Variants in SPTBN1 observed in about 807,000 individuals in gnomAD.
The protein encoded by SPTBN1 is spectrin beta, non-erythrocytic 1.
Under a neutral mutation model 266.4 loss-of-function variants are expected in SPTBN1, and 32 were observed. The ratio of observed to expected loss-of-function variants is 0.12; its 90% CI spans 0.09 to 0.16. The LOEUF (loss-of-function observed/expected upper bound fraction) is 0.16. Among genes scored for constraint, SPTBN1 ranks in the 10% least tolerant of loss-of-function variants. The probability of loss-of-function intolerance (pLI) is 1.00; values close to 1 mark genes in which losing one functional copy is unlikely to be tolerated. For synonymous variants in SPTBN1, 1,336 were observed against 1,162.2 expected, an observed-to-expected ratio of 1.15 and a Z score of -3.04; for missense variants, 2,296 against 3,067.1, an observed-to-expected ratio of 0.75 and a Z score of 5.94.
rs182945721 is a variant in SPTBN1, at chr2:54,636,677, G to A, written c.3768-1036G>A. Among the ~76,000 whole-genome samples, 575 of 152,376 alleles carry A rather than the reference G, an allele frequency of 3.8e-3. 5 individuals are homozygous for A. The highest frequency in any genetic ancestry group is 0.013 in the African/African-American group (530 of 41,590). ...CTCATCCCTGCCTCAGGGTTTGGTG[G>A]ATAGAGGAGAGACCTTGTGCAGGCA... On this transcript the variant is annotated intron_variant, in intron 17 of 35. Transcript: ENST00000356805.
rs1032310514 is a variant in SPTBN1 at position 54,533,405 on chromosome 2, T to C, written c.148+6839T>C. The stretch of plus-strand genomic sequence containing the variant: ...GTGTGTGTGTGTGTGTCTAAACCAT[T>C]TGACTTCTAGTGAACGAACAGAGCC... On this transcript the variant is annotated intron_variant, in intron 2 of 35. Transcript: ENST00000356805. This position sits in a 1 kb window ranked among gnomAD's most constrained non-coding sequence, Gnocchi z 4.2. Among the ~76,000 whole-genome samples, 1 of 149,392 alleles carries C rather than the reference T, an allele frequency of 6.7e-6. No homozygotes were observed. Among genetic ancestry groups the C allele is most frequent in the East Asian group, 2.0e-4 (1 of 5,086 alleles).
At position 54,560,046 on chromosome 2, in the gene SPTBN1, G is replaced by A. The variant is rs932505641; in HGVS notation, c.148+33480G>A. 8.5e-5 allele frequency among the ~76,000 whole-genome samples: 13 copies of A among 152,286 alleles called. 1 individual carries two copies. In the South Asian group the frequency reaches 2.5e-3, roughly 29 times the overall value. On this transcript the variant is annotated intron_variant, in intron 2 of 35. Coordinates refer to ENST00000356805, the MANE Select transcript of SPTBN1 (RefSeq NM_003128.3). Reference sequence around the variant, plus strand: ...CTGTGCCACATTCCTCTGGCAGTTAGCTCAGAGGAAGCTCCCTTCGCTCTG... The same window carrying A: ...CTGTGCCACATTCCTCTGGCAGTTAACTCAGAGGAAGCTCCCTTCGCTCTG...
chr2:54,629,819 G>T lies in SPTBN1; in HGVS notation c.2669+16G>T. Reference sequence around the variant, plus strand: ...TCCAGCACAGGTGAGCGGGGCGCTGGTCAGCCACTGGCCTGTTCCTTGTGA... The same window carrying T: ...TCCAGCACAGGTGAGCGGGGCGCTGTTCAGCCACTGGCCTGTTCCTTGTGA... On this transcript the variant is annotated intron_variant, in intron 14 of 35. Coordinates refer to ENST00000356805, the MANE Select transcript of SPTBN1 (RefSeq NM_003128.3). The T allele has an allele frequency of 1.2e-6, 2 of 1,610,004 alleles. No homozygotes were observed. The highest frequency in any genetic ancestry group is 1.7e-6 in the Non-Finnish European group (2 of 1,178,326).
At chr2:54,496,487 T>G (rs1668979354) in intron 1 of SPTBN1, among the ~76,000 whole-genome samples, 1 of 152,014 alleles carries the variant, frequency 6.6e-6, no homozygotes, top group Non-Finnish European at 1.5e-5. Context: ...AGCTAACATT[T>G]TTTTTGGAAT....
At chr2:54,457,586 G>T (rs995589477) in intron 1 of SPTBN1, among the ~76,000 whole-genome samples, 9 of 152,196 alleles carry the variant, frequency 5.9e-5, no homozygotes, top group Non-Finnish European at 1.2e-4. Context: ...TTGGCAAGAT[G>T]GATGGCTCAC....
intron 1 of SPTBN1, among the ~76,000 whole-genome samples, chr2:54,522,697 G>GAAAGAAAGAAAGAA (rs1484752073): frequency 2.1e-5 from 2 of 97,328 alleles, no homozygotes; most frequent in African/African-American, 8.3e-5. Context: ...GAGAGAGAGA[G>GAAAGAAAGAAAGAA]AGAAAGAAAG....
At chr2:54,560,177 G>A (rs1182985148) in intron 2 of SPTBN1, among the ~76,000 whole-genome samples, 1 of 138,022 alleles carries the variant, frequency 7.2e-6, no homozygotes, top group East Asian at 2.0e-4. Flanking sequence ...AGTAAATAGA[G>A]GAGTTGGGGT....
intron 35 of SPTBN1, among the ~76,000 whole-genome samples, chr2:54,668,094 G>T (rs929239966): frequency 2.0e-5 from 3 of 152,220 alleles, no homozygotes; most frequent in Non-Finnish European, 4.4e-5. Context: ...CCACCTCACA[G>T]ATTGAGACTG....
intron 1 of SPTBN1, among the ~76,000 whole-genome samples, chr2:54,505,985 G>A (rs1041899199): frequency 2.6e-5 from 4 of 152,022 alleles, no homozygotes; most frequent in East Asian, 1.9e-4. Flanking sequence ...TTAGCTGGGC[G>A]AGGTGACGGG....
intron 2 of SPTBN1, among the ~76,000 whole-genome samples, chr2:54,585,776 G>C (rs1026246800): frequency 6.6e-6 from 1 of 152,124 alleles, no homozygotes; most frequent in Non-Finnish European, 1.5e-5. Context: ...CTCGATAAAT[G>C]GTTGCTGTGG....
chr2:54,613,365 C>T (rs1174438614), intron 4 of SPTBN1, among the ~76,000 whole-genome samples: 1 of 152,172 alleles, frequency 6.6e-6, no homozygotes, highest in Non-Finnish European at 1.5e-5. Flanking sequence ...AACGAAAAAT[C>T]AAATTATAAC....
At position 54,653,338 on chromosome 2, in the gene SPTBN1, T is replaced by G; in HGVS notation, c.5578-271T>G. The G allele has an allele frequency of 2.4e-6, 1 of 409,042 alleles. No individual in the cohort carries two copies. The allele number at this position is 409,042 out of a possible 1,614,324, so 25.3% of individuals were successfully genotyped here. On this transcript the variant is annotated intron_variant, in intron 26 of 35. Transcript: ENST00000356805. This position sits in a 1 kb window ranked among gnomAD's most constrained non-coding sequence, Gnocchi z 5.1. Reference sequence around the variant, plus strand: ...ATCCCAGGCTGCCTCCAGGGGACTTTCCCTGACTAAACTCTCCTGCCTGTC... The same window carrying G: ...ATCCCAGGCTGCCTCCAGGGGACTTGCCCTGACTAAACTCTCCTGCCTGTC...
intron 2 of SPTBN1, among the ~76,000 whole-genome samples, chr2:54,557,051 A>C (rs1672923265): frequency 6.6e-6 from 1 of 152,236 alleles, no homozygotes; most frequent in South Asian, 2.1e-4. Flanking sequence ...GATGATAAGA[A>C]ATGTTGTCTT....
At chr2:54,524,070 G>A (rs1670651011) in intron 1 of SPTBN1, among the ~76,000 whole-genome samples, 1 of 151,962 alleles carries the variant, frequency 6.6e-6, no homozygotes, top group African/African-American at 2.4e-5. Flanking sequence ...ATGGTGGCTC[G>A]CGCCTGTAGT....
chr2:54,647,650 G>A (rs1161779613), intron 24 of SPTBN1, among the ~76,000 whole-genome samples: 3 of 152,138 alleles, frequency 2.0e-5, no homozygotes, highest in East Asian at 1.9e-4. Context: ...GACCAATCTC[G>A]GCAATGTGGC....
chr2:54,529,964 G>A (rs1201171199), intron 2 of SPTBN1, among the ~76,000 whole-genome samples: 1 of 151,838 alleles, frequency 6.6e-6, no homozygotes, highest in Non-Finnish European at 1.5e-5. Flanking sequence ...GTCCCTTATA[G>A]GGGAGTGATA....
intron 2 of SPTBN1, among the ~76,000 whole-genome samples, chr2:54,557,076 T>A (rs527552195): frequency 2.0e-4 from 30 of 152,370 alleles, no homozygotes; most frequent in African/African-American, 7.2e-4. Context: ...AGGTTGGGCC[T>A]GGCTTTCAAA....
intron 2 of SPTBN1, among the ~76,000 whole-genome samples, chr2:54,565,756 A>G (rs373743604): frequency 1.2e-4 from 19 of 152,320 alleles, no homozygotes; most frequent in African/African-American, 4.1e-4. Context: ...TTGACCAGCA[A>G]ATGATATGAT....
chr2:54,639,959 G>T (rs1243822373), intron 18 of SPTBN1, among the ~76,000 whole-genome samples: 2 of 152,132 alleles, frequency 1.3e-5, no homozygotes, highest in African/African-American at 4.8e-5. Context: ...CTCTCCTTGA[G>T]CCACATTAGA....
Sources: gnomAD v4.1 joint callset for allele counts (sites outside exome capture counted in the v4.1 genomes callset) on GRCh38, gnomAD v4.1.1 for gene constraint, Gnocchi (gnomAD v3.1) non-coding constraint, MANE v1.5 for transcripts, NCBI Gene and HGNC (gene_info 2026-07-23, HGNC 2026-07-21) for gene names.